Variants in RASA1 observed in about 807,000 individuals in gnomAD.
The protein encoded by RASA1 is RAS p21 protein activator 1, also known as ras GTPase-activating protein 1.
A neutral mutation model predicts 132.2 loss-of-function variants in RASA1; 25 were observed. The observed-to-expected ratio is 0.19, with a 90% CI of 0.14 to 0.26. The LOEUF is 0.26. RASA1 is among the 10% of genes least tolerant of loss of function. The pLI is 1.00. For missense variants in RASA1, 964 were observed against 1,299.2 expected (o/e 0.74, Z 3.97); for synonymous variants, 477 against 449.9 (o/e 1.06, Z -0.76).
intron 1 of RASA1, among the ~76,000 whole-genome samples, chr5:87,278,694 A>C (rs1017229926): frequency 2.0e-5 from 3 of 152,090 alleles, no homozygotes; most frequent in Non-Finnish European, 2.9e-5. Flanking sequence ...ACATTTCACC[A>C]GTTTTACATA....
At chr5:87,270,930 G>A (rs1412648957) in intron 1 of RASA1, among the ~76,000 whole-genome samples, 1 of 152,056 alleles carries the variant, frequency 6.6e-6, no homozygotes, top group Non-Finnish European at 1.5e-5. Flanking sequence ...GTCCCTGGGA[G>A]TATTCTGGGA....
At chr5:87,376,814 T>G in intron 16 of RASA1, 67 bp from the exon 17 acceptor site, 1 of 1,458,174 alleles carries the variant, frequency 6.9e-7, no homozygotes, top group Non-Finnish European at 9.6e-7. Context: ...ACATATTTCT[T>G]GTTAGTCTCA....
intron 1 of RASA1, among the ~76,000 whole-genome samples, chr5:87,280,234 G>T (rs1754256273): frequency 6.6e-6 from 1 of 152,012 alleles, no homozygotes; most frequent in South Asian, 2.1e-4. Flanking sequence ...TGCTTCACCA[G>T]CCATCAAGGC....
chr5:87,275,066 A>G (rs1350759493), intron 1 of RASA1, among the ~76,000 whole-genome samples: 2 of 152,230 alleles, frequency 1.3e-5, no homozygotes, highest in African/African-American at 4.8e-5. Context: ...AAGGACAGCC[A>G]TAAATTAGGA....
intron 1 of RASA1, among the ~76,000 whole-genome samples, chr5:87,274,187 C>T (rs1447831139): frequency 6.6e-6 from 1 of 152,130 alleles, no homozygotes; most frequent in Non-Finnish European, 1.5e-5. Flanking sequence ...TTTGCTATTG[C>T]AGTATTTGCC....
intron 1 of RASA1, chr5:87,269,202 G>T: frequency 6.3e-7 from 1 of 1,590,266 alleles, no homozygotes; most frequent in Non-Finnish European, 8.6e-7. Context: ...GCTCCTCTGG[G>T]AAAGTGTAAA....
intron 1 of RASA1, among the ~76,000 whole-genome samples, chr5:87,285,346 C>T (rs750071537): frequency 6.6e-5 from 10 of 151,650 alleles, no homozygotes; most frequent in African/African-American, 9.7e-5. Flanking sequence ...GGATTACAGG[C>T]GTGAGCCACC....
chr5:87,339,276 G>A (rs1032404944), intron 5 of RASA1, among the ~76,000 whole-genome samples: 2 of 152,102 alleles, frequency 1.3e-5, no homozygotes, highest in African/African-American at 4.8e-5. Context: ...TTGAGGAAAT[G>A]GTGTGATACA....
At chr5:87,341,211 G>A in intron 5 of RASA1, 79 bp from the exon 6 acceptor site, 4 of 823,684 alleles carry the variant, frequency 4.9e-6, no homozygotes, top group Non-Finnish European at 6.7e-6. Context: ...TATGTTTGCA[G>A]ATACGATTTT....
intron 1 of RASA1, among the ~76,000 whole-genome samples, chr5:87,281,937 T>C (rs1244990792): frequency 6.6e-6 from 1 of 152,192 alleles, no homozygotes; most frequent in Non-Finnish European, 1.5e-5. Flanking sequence ...TTATATGTTC[T>C]TGATATTAAT....
chr5:87,275,018 T>G (rs1350168389), intron 1 of RASA1, among the ~76,000 whole-genome samples: 5 of 152,128 alleles, frequency 3.3e-5, no homozygotes, highest in Non-Finnish European at 7.3e-5. Flanking sequence ...GATTAGCCAC[T>G]CTGGGGAAAA....
intron 6 of RASA1, among the ~76,000 whole-genome samples, chr5:87,341,788 C>A (rs1237375680): frequency 6.6e-6 from 1 of 152,042 alleles, no homozygotes; most frequent in African/African-American, 2.4e-5. Flanking sequence ...AGATCTGAAC[C>A]ATTAATCCCA....
intron 1 of RASA1, among the ~76,000 whole-genome samples, chr5:87,325,944 T>C (rs1480181301): frequency 6.6e-6 from 1 of 152,162 alleles, no homozygotes; most frequent in African/African-American, 2.4e-5. Context: ...TTCGGATGTG[T>C]TCCAGCAATA....
chr5:87,287,441 T>TACACCATATATAC lies in RASA1; in HGVS notation c.539+18463_539+18464insCACACCATATATA, dbSNP rs1371434446. Among the ~76,000 whole-genome samples, 449 of 145,110 alleles carry TACACCATATATAC rather than the reference T, an allele frequency of 3.1e-3. 5 individuals are homozygous for TACACCATATATAC. The highest frequency in any genetic ancestry group is 5.6e-3 in the East Asian group (27 of 4,848). On this transcript the variant is annotated intron_variant, in intron 1 of 24. Coordinates refer to ENST00000274376, the MANE Select transcript of RASA1 (RefSeq NM_002890.3). Reference sequence around the variant, plus strand: ...ACACCATATATACACACCATATATATACACCATATATATACCATATATATA... The same window carrying TACACCATATATAC: ...ACACCATATATACACACCATATATATACACCATATATACACACCATATATATACCATATATATA...
chr5:87,318,621 C>T (rs1057457842), intron 1 of RASA1: 3 of 152,170 alleles, frequency 2.0e-5, no homozygotes, highest in East Asian at 1.9e-4. Flanking sequence ...CTCACTATCA[C>T]GAGAGCAGCA....
chr5:87,355,168 A>G (rs1323850948), intron 9 of RASA1, among the ~76,000 whole-genome samples: 1 of 152,182 alleles, frequency 6.6e-6, no homozygotes, highest in Non-Finnish European at 1.5e-5. Context: ...TGAAGGTGCT[A>G]AACAACAGAT....
At chr5:87,368,266 G>T (rs948142451) in intron 11 of RASA1, among the ~76,000 whole-genome samples, 4 of 151,640 alleles carry the variant, frequency 2.6e-5, no homozygotes, top group African/African-American at 9.7e-5. Flanking sequence ...ACTTTTTCAG[G>T]ACTTCATTTT....
chr5:87,288,026 CAT>C (rs575258356), intron 1 of RASA1, among the ~76,000 whole-genome samples: 68 of 50,870 alleles, frequency 1.3e-3, no homozygotes, highest in African/African-American at 5.5e-3. Flanking sequence ...ATACACACAC[CAT>C]ATATATATAC....
At chr5:87,332,902 T>C (rs1235958149) in intron 3 of RASA1, among the ~76,000 whole-genome samples, 1 of 152,156 alleles carries the variant, frequency 6.6e-6, no homozygotes, top group Non-Finnish European at 1.5e-5. Flanking sequence ...TTTCTGAATG[T>C]ATGGGAACAA....
Sources: allele counts gnomAD v4.1 joint callset (sites outside exome capture counted in the v4.1 genomes callset), GRCh38; gene constraint gnomAD v4.1.1; transcripts MANE v1.5; gene names NCBI Gene and HGNC (gene_info 2026-07-23, HGNC 2026-07-21).